LSAMP: variants seen among roughly 807,000 people sequenced by gnomAD.
The protein encoded by LSAMP is limbic system associated membrane protein, also known as limbic system-associated membrane protein.
In LSAMP, 7 loss-of-function variants were observed where a neutral mutation model predicts 38.6. The ratio of observed to expected loss-of-function variants is 0.18; its 90% CI spans 0.10 to 0.34. LSAMP has a LOEUF of 0.34. LSAMP is among the 10% of genes least tolerant of loss of function. The probability of loss-of-function intolerance (pLI) is 1.00; values close to 1 mark genes in which losing one functional copy is unlikely to be tolerated. For missense variants in LSAMP, 313 were observed against 420.0 expected, an observed-to-expected ratio of 0.75 and a Z score of 2.23; for synonymous variants, 154 against 166.8, an observed-to-expected ratio of 0.92 and a Z score of 0.59.
intron 3 of LSAMP, among the ~76,000 whole-genome samples, chr3:115,863,506 CA>C (rs375208761): frequency 1.3e-5 from 2 of 149,972 alleles, no homozygotes; most frequent in African/African-American, 5.0e-5. Flanking sequence ...TCCTTCTAAA[CA>C]ATGGGATTCA....
chr3:116,103,657 T>G (rs1708399703), intron 1 of LSAMP, among the ~76,000 whole-genome samples: 1 of 151,324 alleles, frequency 6.6e-6, no homozygotes, highest in African/African-American at 2.4e-5. Flanking sequence ...TCTTATGCAG[T>G]GTGAGTCCCT....
At chr3:116,107,417 G>A (rs1708493305) in intron 1 of LSAMP, among the ~76,000 whole-genome samples, 1 of 152,162 alleles carries the variant, frequency 6.6e-6, no homozygotes, top group Admixed American at 6.5e-5. Context: ...GCAGACATGA[G>A]GGCTAGGCTA....
At chr3:116,213,994 C>T (rs943219288) in intron 1 of LSAMP, among the ~76,000 whole-genome samples, 6 of 151,978 alleles carry the variant, frequency 3.9e-5, no homozygotes, top group African/African-American at 1.4e-4. Context: ...CAGTACTGTA[C>T]CTATAGTGAA....
At chr3:116,019,083 G>A (rs1267080920) in intron 3 of LSAMP, among the ~76,000 whole-genome samples, 1 of 142,314 alleles carries the variant, frequency 7.0e-6, no homozygotes, top group Non-Finnish European at 1.5e-5. Context: ...CCAAGACACT[G>A]AATCACCAAA....
At chr3:116,246,661 T>G (rs2046609392) in intron 1 of LSAMP, among the ~76,000 whole-genome samples, 1 of 152,168 alleles carries the variant, frequency 6.6e-6, no homozygotes, top group Admixed American at 6.5e-5. Flanking sequence ...CATCATTCTC[T>G]TAGCTCCACA....
At position 115,938,948 on chromosome 3, in the gene LSAMP, G is replaced by C. The variant is rs893480048; in HGVS notation, c.514+80567C>G. Among the ~76,000 whole-genome samples the C allele has an allele frequency of 3.9e-5, 6 of 152,124 alleles. No individual in the cohort carries two copies. In the South Asian group the frequency reaches 6.2e-4, roughly 16 times the overall value. Reference sequence around the variant, plus strand: ...GAGAGCAGGTAGTTGGGAAACGTCAGTTTATTGTAACAATAAAGGACTTGA... The same window carrying C: ...GAGAGCAGGTAGTTGGGAAACGTCACTTTATTGTAACAATAAAGGACTTGA... On this transcript the variant is annotated intron_variant, in intron 3 of 6. Coordinates refer to ENST00000490035, the MANE Select transcript of LSAMP (RefSeq NM_002338.5).
chr3:116,280,152 T>C, intron 1 of LSAMP, among the ~76,000 whole-genome samples: 1 of 152,146 alleles, frequency 6.6e-6, no homozygotes, highest in East Asian at 1.9e-4. Context: ...GACAAAAAAA[T>C]AGAAAGTACA....
intron 1 of LSAMP, among the ~76,000 whole-genome samples, chr3:116,133,259 T>G (rs10934319): frequency 0.55 from 83,600 of 151,688 alleles, 23,715 homozygotes; most frequent in East Asian, 0.74. Context: ...TCCTTTTTTT[T>G]TTGTTGTTGT....
At chr3:116,409,161 G>T (rs926035710) in intron 1 of LSAMP, among the ~76,000 whole-genome samples, 1 of 152,008 alleles carries the variant, frequency 6.6e-6, no homozygotes, top group South Asian at 2.1e-4. Context: ...ATGAGACACA[G>T]TAAAAGTTTA....
chr3:115,956,304 C>A lies in LSAMP; in HGVS notation c.514+63211G>T, dbSNP rs13317565. 4.0e-5 allele frequency among the ~76,000 whole-genome samples: 6 copies of A among 150,040 alleles called. No homozygotes were observed. The South Asian group carries it at 1.1e-3, about 27-fold the overall frequency. The stretch of plus-strand genomic sequence containing the variant: ...GATCTGATCTCGTAGGCCTCCCATC[C>A]AGGAATGAGCAGCTGTGCATCACTT... On this transcript the variant is annotated intron_variant, in intron 3 of 6. Coordinates refer to ENST00000490035, the MANE Select transcript of LSAMP (RefSeq NM_002338.5).
intron 3 of LSAMP, among the ~76,000 whole-genome samples, chr3:115,939,938 C>T (rs1342855480): frequency 6.6e-6 from 1 of 152,074 alleles, no homozygotes; most frequent in Admixed American, 6.6e-5. Flanking sequence ...GCCACGGACC[C>T]TCACGGTGAG....
chr3:115,811,895 A>T (rs1233571600), intron 6 of LSAMP, among the ~76,000 whole-genome samples: 1 of 152,204 alleles, frequency 6.6e-6, no homozygotes, highest in African/African-American at 2.4e-5. Flanking sequence ...AGGCACAGGG[A>T]GATTGGATGC....
chr3:115,826,533 G>GTAAAGTTATCTTCACA (rs1559838216), intron 6 of LSAMP, among the ~76,000 whole-genome samples: 7 of 152,080 alleles, frequency 4.6e-5, no homozygotes, highest in African/African-American at 1.7e-4. Flanking sequence ...AAAGTTTACT[G>GTAAAGTTATCTTCACA]TGGTTGCTTA....
At chr3:116,267,227 G>A (rs1469451855) in intron 1 of LSAMP, among the ~76,000 whole-genome samples, 1 of 152,090 alleles carries the variant, frequency 6.6e-6, no homozygotes, top group South Asian at 2.1e-4. Flanking sequence ...AAATAAAAAT[G>A]AACAATGGAA....
intron 1 of LSAMP, among the ~76,000 whole-genome samples, chr3:116,185,030 C>CTTTTTT (rs368314567): frequency 0.15 from 17,179 of 115,488 alleles, 842 homozygotes; most frequent in Admixed American, 0.17. Context: ...TTCTTTCTTT[C>CTTTTTT]TTTTTTTTTT....
intron 3 of LSAMP, among the ~76,000 whole-genome samples, chr3:115,880,761 G>A (rs185362423): frequency 2.0e-3 from 299 of 152,254 alleles, no homozygotes; most frequent in Non-Finnish European, 3.2e-3. Context: ...GCTGGGTGTG[G>A]TGGCTCATGC....
At chr3:116,273,193 T>C (rs1234110606) in intron 1 of LSAMP, among the ~76,000 whole-genome samples, 1 of 151,986 alleles carries the variant, frequency 6.6e-6, no homozygotes, top group African/African-American at 2.4e-5. Context: ...ATCAATCCTA[T>C]CTCCACCTCA....
At chr3:116,120,957 G>C (rs1196295310) in intron 1 of LSAMP, among the ~76,000 whole-genome samples, 1 of 152,096 alleles carries the variant, frequency 6.6e-6, no homozygotes, top group Non-Finnish European at 1.5e-5. Flanking sequence ...TCTGATTATA[G>C]AATGTCAACA....
chr3:116,301,261 C>CATTAA (rs2047405206), intron 1 of LSAMP, among the ~76,000 whole-genome samples: 1 of 152,142 alleles, frequency 6.6e-6, no homozygotes, highest in South Asian at 2.1e-4. Context: ...AAGAGTAGAT[C>CATTAA]ATTAAATTAC....
Sources: gnomAD v4.1 joint callset for allele counts (sites outside exome capture counted in the v4.1 genomes callset) on GRCh38, gnomAD v4.1.1 for gene constraint, MANE v1.5 for transcripts, NCBI Gene and HGNC (gene_info 2026-07-23, HGNC 2026-07-21) for gene names.